CCBE1: variants seen among roughly 807,000 people sequenced by gnomAD.
CCBE1 encodes collagen and calcium-binding EGF domain-containing protein 1.
CCBE1 carries 37 observed loss-of-function variants against 50.0 expected under a neutral mutation model. The ratio of observed to expected loss-of-function variants is 0.74; its 90% CI spans 0.57 to 0.97. The LOEUF is 0.97. Among genes scored for constraint, CCBE1 ranks in the 50% least tolerant of loss-of-function variants. The probability of loss-of-function intolerance (pLI) is 0.00; values close to 1 mark genes in which losing one functional copy is unlikely to be tolerated. For missense variants in CCBE1, 538 were observed against 523.8 expected (o/e 1.03, Z -0.26); for synonymous variants, 234 against 203.7 (o/e 1.15, Z -1.27).
At chr18:59,521,875 G>A (rs949368809) in intron 2 of CCBE1, among the ~76,000 whole-genome samples, 1 of 151,108 alleles carries the variant, frequency 6.6e-6, no homozygotes, top group Non-Finnish European at 1.5e-5. Context: ...ACTTTGGTTG[G>A]GTAAGTTTGG....
chr18:59,570,415 T>C (rs561129506), intron 2 of CCBE1, among the ~76,000 whole-genome samples: 1 of 152,312 alleles, frequency 6.6e-6, no homozygotes, highest in East Asian at 1.9e-4. Context: ...GTACTTAAGA[T>C]AGTCAGCCAC....
chr18:59,574,632 G>A (rs949858104), intron 2 of CCBE1, among the ~76,000 whole-genome samples: 65 of 152,290 alleles, frequency 4.3e-4, no homozygotes, highest in African/African-American at 1.4e-3. Flanking sequence ...AATAAAAAAT[G>A]TGCTGGTTAA....
Position 59,535,070 on chromosome 18 carries a change from A to G in CCBE1, c.213-54832T>C, listed in dbSNP as rs544500611. Among the ~76,000 whole-genome samples, 185 of 152,366 alleles carry G rather than the reference A, an allele frequency of 1.2e-3. 2 individuals are homozygous for G. The highest frequency in any genetic ancestry group is 1.8e-3 in the Non-Finnish European group (123 of 68,034). On this transcript the variant is annotated intron_variant, in intron 2 of 10. Transcript: ENST00000439986. Reference sequence around the variant, plus strand: ...TCCCCAAATAATATCTCAAGTCTATATAACAGAAAGACTTGTGAAAACTGC... The same window carrying G: ...TCCCCAAATAATATCTCAAGTCTATGTAACAGAAAGACTTGTGAAAACTGC...
At chr18:59,506,065 G>T (rs1008469099) in intron 2 of CCBE1, among the ~76,000 whole-genome samples, 1 of 152,296 alleles carries the variant, frequency 6.6e-6, no homozygotes, top group Middle Eastern at 3.4e-3. Flanking sequence ...GGTCTTATTT[G>T]GGAATAGCGT....
In CCBE1 at chr18:59,613,736, T is replaced by TA. The variant is rs200695894; in HGVS notation, c.212+82892dup. On this transcript the variant is annotated intron_variant, in intron 2 of 10. Coordinates refer to ENST00000439986, the MANE Select transcript of CCBE1 (RefSeq NM_133459.4). Reference sequence around the variant, plus strand: ...CAACATAGTGAGACCCCATCTTTATTAAAAAAAAAAATTAGAAGATATCAA... The same window carrying TA: ...CAACATAGTGAGACCCCATCTTTATTAAAAAAAAAAAATTAGAAGATATCAA... Among the ~76,000 whole-genome samples, 225 of 147,784 alleles carry TA rather than the reference T, an allele frequency of 1.5e-3. 1 individual carries two copies. Among genetic ancestry groups the TA allele is most frequent in the African/African-American group, 3.4e-3 (137 of 40,568 alleles).
chr18:59,490,387 CT>C (rs11379621), intron 2 of CCBE1, among the ~76,000 whole-genome samples: 369 of 141,682 alleles, frequency 2.6e-3, no homozygotes, highest in South Asian at 0.012. Context: ...GATATTCCCC[CT>C]TTTTTTTTTT....
intron 2 of CCBE1, among the ~76,000 whole-genome samples, chr18:59,489,562 T>A (rs1166372181): frequency 6.6e-6 from 1 of 152,098 alleles, no homozygotes; most frequent in Non-Finnish European, 1.5e-5. Flanking sequence ...TACTGGGATG[T>A]GCCACCATAC....
At chr18:59,590,389 TAA>T (rs1048264874) in intron 2 of CCBE1, among the ~76,000 whole-genome samples, 5 of 152,128 alleles carry the variant, frequency 3.3e-5, no homozygotes, top group African/African-American at 9.7e-5. Flanking sequence ...AGGTAAACAA[TAA>T]AAAGATATTC....
At chr18:59,475,233 A>G (rs1366613659) in intron 3 of CCBE1, among the ~76,000 whole-genome samples, 1 of 152,192 alleles carries the variant, frequency 6.6e-6, no homozygotes, top group Non-Finnish European at 1.5e-5. Flanking sequence ...CTTCATCCCA[A>G]GATTCTTACC....
intron 2 of CCBE1, among the ~76,000 whole-genome samples, chr18:59,605,184 GAGA>G (rs2053481366): frequency 6.6e-6 from 1 of 152,228 alleles, no homozygotes; most frequent in African/African-American, 2.4e-5. Context: ...GGGAGAAATG[GAGA>G]AGGAAGGAGT....
chr18:59,498,129 G>T (rs1348000954), intron 2 of CCBE1, among the ~76,000 whole-genome samples: 1 of 152,094 alleles, frequency 6.6e-6, no homozygotes, highest in East Asian at 1.9e-4. Flanking sequence ...CTAACTCCAG[G>T]TATCCCAATT....
At chr18:59,696,443 A>C in intron 2 of CCBE1, 186 bp downstream of exon 2, 1 of 1,431,566 alleles carries the variant, frequency 7.0e-7, no homozygotes, top group East Asian at 2.6e-5. Flanking sequence ...TCAGTTGCTC[A>C]GTGTTGCTCT....
At chr18:59,615,256 C>T (rs189444148) in intron 2 of CCBE1, among the ~76,000 whole-genome samples, 58 of 152,340 alleles carry the variant, frequency 3.8e-4, no homozygotes, top group Non-Finnish European at 6.2e-4. Context: ...TGGTTTCCTA[C>T]CATCTCTAGG....
chr18:59,541,378 A>C (rs1303603689), intron 2 of CCBE1, among the ~76,000 whole-genome samples: 1 of 152,216 alleles, frequency 6.6e-6, no homozygotes, highest in East Asian at 1.9e-4. Context: ...ACATAGGCAA[A>C]AAATTCTACA....
intron 2 of CCBE1, among the ~76,000 whole-genome samples, chr18:59,663,117 GGAT>G (rs550499845): frequency 0.013 from 1,903 of 152,176 alleles, 40 homozygotes; most frequent in African/African-American, 0.043. Context: ...CTAGGGATAG[GGAT>G]AGGAAGAAGG....
chr18:59,473,671 TCC>T (rs1912147530), intron 3 of CCBE1, among the ~76,000 whole-genome samples: 4 of 58,786 alleles, frequency 6.8e-5, no homozygotes, highest in East Asian at 6.0e-4. Context: ...ATTTCCGCCC[TCC>T]ACTACTCACC....
At chr18:59,449,723 T>C (rs1910843914) in intron 6 of CCBE1, among the ~76,000 whole-genome samples, 1 of 152,172 alleles carries the variant, frequency 6.6e-6, no homozygotes, top group African/African-American at 2.4e-5. Flanking sequence ...CTTCCAAGTC[T>C]ACAAAATGTG....
At chr18:59,453,015 T>A (rs1013907105) in intron 6 of CCBE1, among the ~76,000 whole-genome samples, 4 of 152,202 alleles carry the variant, frequency 2.6e-5, no homozygotes, top group African/African-American at 9.6e-5. Context: ...AGTATTTCAA[T>A]GCAAGTTTCT....
chr18:59,647,318 CAT>C (rs754142286), intron 2 of CCBE1, among the ~76,000 whole-genome samples: 5 of 151,940 alleles, frequency 3.3e-5, no homozygotes. Context: ...AGGAAATGAC[CAT>C]ATGTTATGTG....
Sources: gnomAD v4.1 joint callset for allele counts (sites outside exome capture counted in the v4.1 genomes callset) on GRCh38, gnomAD v4.1.1 for gene constraint, MANE v1.5 for transcripts, NCBI Gene and HGNC (gene_info 2026-07-23, HGNC 2026-07-21) for gene names.